Variants in DST observed in about 807,000 individuals in gnomAD.
DST encodes the protein dystonin.
In DST, 253 loss-of-function variants were observed where a neutral mutation model predicts 875.2. The observed-to-expected ratio is 0.29, with a 90% CI of 0.26 to 0.32. The LOEUF (loss-of-function observed/expected upper bound fraction) is 0.32, where lower values mean the gene tolerates loss of function less well. DST is among the 10% of genes least tolerant of loss of function. DST has a pLI of 1.00. For missense variants in DST, 8,287 were observed against 9,111.6 expected (o/e 0.91, Z 3.68); for synonymous variants, 3,124 against 3,197.1 (o/e 0.98, Z 0.77).
chr6:56,531,940 T>C (rs1277224137), intron 64 of DST, among the ~76,000 whole-genome samples: 1 of 152,184 alleles, frequency 6.6e-6, no homozygotes, highest in African/African-American at 2.4e-5. Flanking sequence ...GCAACCTGTA[T>C]TTCAACTTTG....
At chr6:56,503,930 C>T (rs568224889) in intron 78 of DST, 67 bp downstream of exon 78, 1 of 1,090,728 alleles carries the variant, frequency 9.2e-7, no homozygotes, top group African/African-American at 1.6e-5. Context: ...AATTTATGTA[C>T]AAAATTATGT....
chr6:56,509,168 G>A (rs1007567688), intron 74 of DST, among the ~76,000 whole-genome samples: 1 of 152,168 alleles, frequency 6.6e-6, no homozygotes, highest in Non-Finnish European at 1.5e-5. Flanking sequence ...CTTGCTTCTA[G>A]AGTACTCTCA....
At chr6:56,944,349 C>T (rs564754076) in intron 2 of DST, among the ~76,000 whole-genome samples, 13 of 146,836 alleles carry the variant, frequency 8.9e-5, no homozygotes, top group African/African-American at 3.0e-4. Context: ...AAGAGTCTCA[C>T]AATAACAAAA....
chr6:56,718,049 C>T (rs1352605563), intron 5 of DST, among the ~76,000 whole-genome samples: 2 of 151,930 alleles, frequency 1.3e-5, no homozygotes, highest in African/African-American at 4.8e-5. Flanking sequence ...TTGAGACCAG[C>T]CTGGGCAACA....
intron 4 of DST, among the ~76,000 whole-genome samples, chr6:56,783,626 G>A (rs375729394): frequency 0.13 from 18,997 of 151,590 alleles, 1,621 homozygotes; most frequent in Middle Eastern, 0.19. Flanking sequence ...GTCTCTGCAC[G>A]TGAGATGGGT....
At chr6:56,573,958 AGGTG>A in intron 50 of DST, 71 bp from the exon 51 acceptor site, 1 of 1,087,066 alleles carries the variant, frequency 9.2e-7, no homozygotes, top group Non-Finnish European at 1.3e-6. Context: ...AAACACATGA[AGGTG>A]AATCATACAA....
chr6:56,643,809 G>A (rs1305680406), intron 15 of DST, among the ~76,000 whole-genome samples: 1 of 152,236 alleles, frequency 6.6e-6, no homozygotes, highest in Middle Eastern at 3.2e-3. Context: ...GATCAAGTGT[G>A]AGAGTGCCAC....
chr6:56,486,001 A>G (rs1332366701), intron 87 of DST, among the ~76,000 whole-genome samples: 3 of 152,162 alleles, frequency 2.0e-5, no homozygotes, highest in Non-Finnish European at 4.4e-5. Context: ...CTTTTCAAAA[A>G]TCTTGTAAAT....
At chr6:56,468,593 C>T (rs183232789) in intron 98 of DST, among the ~76,000 whole-genome samples, 18 of 152,140 alleles carry the variant, frequency 1.2e-4, no homozygotes, top group Admixed American at 4.6e-4. Flanking sequence ...TACTGTAGAC[C>T]GTATGTCCTA....
chr6:56,542,888 T>G (rs2097159258), intron 61 of DST: 1 of 152,300 alleles, frequency 6.6e-6, no homozygotes, highest in South Asian at 2.1e-4. Context: ...GTGACTTAAC[T>G]TCGCAGTCAT....
At chr6:56,461,665 C>CCTG in intron 102 of DST, 1 of 152,296 alleles carries the variant, frequency 6.6e-6, no homozygotes, top group Non-Finnish European at 1.5e-5. Flanking sequence ...GTCAAAATAA[C>CCTG]TACTTAGACT....
chr6:56,604,422 T>C lies in DST; in HGVS notation c.10206A>G (p.Ala3402=). ...TTTGAGAGTCGCTGGGCACAGTAGA[T>C]GCCTCATTTACCAACTGTGATGTGG... ...RITTSQLVNE[A]STVPSDSQMS... Residue 3402 remains alanine (A), a synonymous_variant, in exon 40 of 104, where the codon GCA becomes GCG. Transcript: ENST00000680361. The C allele has an allele frequency of 6.2e-7, 1 of 1,609,966 alleles. No individual in the cohort carries two copies. Among genetic ancestry groups the C allele is most frequent in the Non-Finnish European group, 8.5e-7 (1 of 1,177,652 alleles).
chr6:56,870,056 G>A (rs1214844017), intron 3 of DST, among the ~76,000 whole-genome samples: 1 of 151,882 alleles, frequency 6.6e-6, no homozygotes, highest in African/African-American at 2.4e-5. Context: ...GTACTTTCAA[G>A]CCTAGCCTCT....
intron 24 of DST, 98 bp from the exon 25 acceptor site, chr6:56,635,051 T>C (rs1287897524): frequency 2.1e-6 from 2 of 935,400 alleles, no homozygotes; most frequent in East Asian, 5.2e-5. Flanking sequence ...AAAAGTCTTC[T>C]CTCTGACTAC....
At chr6:56,680,552 A>G (rs2099152136) in intron 9 of DST, among the ~76,000 whole-genome samples, 1 of 152,110 alleles carries the variant, frequency 6.6e-6, no homozygotes, top group African/African-American at 2.4e-5. Context: ...TCTAATCCTG[A>G]TCTCACTGAG....
intron 38 of DST, among the ~76,000 whole-genome samples, chr6:56,610,775 G>A (rs2098537924): frequency 6.6e-6 from 1 of 152,246 alleles, no homozygotes; most frequent in Non-Finnish European, 1.5e-5. Context: ...CTGAAGGAAA[G>A]GGTGTAAACT....
chr6:56,673,639 T>C (rs983264849), intron 9 of DST, among the ~76,000 whole-genome samples: 2 of 152,204 alleles, frequency 1.3e-5, no homozygotes, highest in Non-Finnish European at 2.9e-5. Context: ...TAAATAAGTT[T>C]CCAATAGATG....
At position 56,615,750 on chromosome 6, in the gene DST, G is replaced by A. The variant is rs373919646; in HGVS notation, c.4930-1266C>T. 7.4e-6 allele frequency: 12 copies of A among 1,613,942 alleles called. No individual in the cohort carries two copies. The highest frequency in any genetic ancestry group is 6.7e-5 in the African/African-American group (5 of 74,894). On this transcript the variant is annotated intron_variant, in intron 36 of 103. Transcript: ENST00000680361. ...TGGAGAGCCTCTTCTATTGATAACC[G>A]AGAGTGAACCTGTGGCTCTATCAAC...
At chr6:56,482,932 C>T in intron 88 of DST, 55 bp from the exon 89 acceptor site, 1 of 1,335,010 alleles carries the variant, frequency 7.5e-7, no homozygotes, top group Non-Finnish European at 1.0e-6. Context: ...AAAACAGCAA[C>T]ACATACTGTT....
Sources: allele counts gnomAD v4.1 joint callset (sites outside exome capture counted in the v4.1 genomes callset), GRCh38; gene constraint gnomAD v4.1.1; transcripts MANE v1.5; gene names NCBI Gene and HGNC (gene_info 2026-07-23, HGNC 2026-07-21).